The following IGFL2 variants were observed in gnomAD, a reference collection of about 807,000 sequenced individuals.
IGFL2 encodes the protein IGF like family member 2.
IGFL2 carries 7 observed loss-of-function variants against 13.9 expected under a neutral mutation model. That is an observed-to-expected ratio of 0.51 (90% CI 0.29 to 0.95). The LOEUF (loss-of-function observed/expected upper bound fraction) is 0.95. Among genes scored for constraint, IGFL2 ranks in the 40% least tolerant of loss-of-function variants. IGFL2 has a pLI of 0.08. For missense variants in IGFL2, 138 were observed against 147.8 expected, an observed-to-expected ratio of 0.93 and a Z score of 0.34; for synonymous variants, 55 against 55.8, an observed-to-expected ratio of 0.99 and a Z score of 0.07.
At chr19:46,090,818 C>T in the IGFL2 span, among the ~76,000 whole-genome samples, 1 of 152,196 alleles carries the variant, frequency 6.6e-6, no homozygotes, top group Non-Finnish European at 1.5e-5. Context: ...CCGGGCAGCT[C>T]TGGAAGCTTA....
the IGFL2 span, chr19:46,101,056 G>A: frequency 4.0e-3 from 607 of 152,548 alleles, 14 homozygotes; most frequent in Admixed American, 0.031. Flanking sequence ...GATGTCACCC[G>A]AGGAAGCTGG....
chr19:46,166,261 A>T (rs1361481858), downstream of IGFL2, among the ~76,000 whole-genome samples: 1 of 152,162 alleles, frequency 6.6e-6, no homozygotes, highest in Non-Finnish European at 1.5e-5. Flanking sequence ...CGAAAGAGAG[A>T]AATTTTAAAG....
chr19:46,215,001 G>C, the IGFL2 span, among the ~76,000 whole-genome samples: 1 of 151,976 alleles, frequency 6.6e-6, no homozygotes, highest in Non-Finnish European at 1.5e-5. Flanking sequence ...ATCTTGCTGT[G>C]ATCAGCACAT....
chr19:46,123,271 G>T, the IGFL2 span, among the ~76,000 whole-genome samples: 67 of 150,614 alleles, frequency 4.4e-4, 1 homozygote, highest in Non-Finnish European at 7.8e-4. Context: ...TTTTCTCCAG[G>T]TATCTTACTG....
the IGFL2 span, among the ~76,000 whole-genome samples, chr19:46,106,025 A>G: frequency 6.6e-6 from 1 of 152,176 alleles, no homozygotes; most frequent in Non-Finnish European, 1.5e-5. Context: ...GAGTTTATAT[A>G]ATGGTTTAGT....
the IGFL2 span, among the ~76,000 whole-genome samples, chr19:46,095,142 C>T: frequency 6.6e-6 from 1 of 152,176 alleles, no homozygotes; most frequent in Non-Finnish European, 1.5e-5. Context: ...ACATTCCCAC[C>T]AACAGTATAA....
rs762078172 is a variant in IGFL2 at position 46,160,711 on chromosome 19, C to T, written c.171C>T (p.Ile57=). 2.4e-5 allele frequency: 39 copies of T among 1,614,022 alleles called. No individual in the cohort carries two copies. In the East Asian group the frequency reaches 5.1e-4, roughly 21 times the overall value. The change falls in exon 3 of 4, where the codon ATC becomes ATT. Residue 57 remains isoleucine, a synonymous_variant. Transcript: ENST00000377693. ...AGCAGTGCTGTTACAATGACGCCAT[C>T]GTGTCCCTGAGCGAGACCCGCCAAT... ...PLEQCCYNDA[I]VSLSETRQCG...
the IGFL2 span, among the ~76,000 whole-genome samples, chr19:46,129,503 A>G: frequency 6.6e-6 from 1 of 152,110 alleles, no homozygotes; most frequent in Admixed American, 6.6e-5. Flanking sequence ...AATTAGTACT[A>G]TAAATTTCCC....
At chr19:46,179,179 G>A in the IGFL2 span, among the ~76,000 whole-genome samples, 1 of 151,706 alleles carries the variant, frequency 6.6e-6, no homozygotes, top group Non-Finnish European at 1.5e-5. Flanking sequence ...TGCAGAGTCT[G>A]TGAGAGGCAG....
chr19:46,124,155 G>A, the IGFL2 span: 155 of 1,610,030 alleles, frequency 9.6e-5, 5 homozygotes, highest in Middle Eastern at 5.0e-4. Context: ...CAACAGGAGC[G>A]TCTGGGGGCA....
the IGFL2 span, chr19:46,214,238 C>T: frequency 2.0e-5 from 3 of 152,214 alleles, no homozygotes; most frequent in African/African-American, 7.2e-5. Flanking sequence ...TTCAACAAGC[C>T]CAGAGTCGGG....
chr19:46,118,719 C>T, the IGFL2 span, among the ~76,000 whole-genome samples: 1 of 152,176 alleles, frequency 6.6e-6, no homozygotes, highest in African/African-American at 2.4e-5. Context: ...AGACCAGGCA[C>T]TCCCATGCAC....
chr19:46,107,354 G>T, the IGFL2 span, among the ~76,000 whole-genome samples: 1 of 152,198 alleles, frequency 6.6e-6, no homozygotes, highest in South Asian at 2.1e-4. Context: ...CAGTCAGAGA[G>T]CCTTGGGCCA....
chr19:46,123,048 A>G, the IGFL2 span, among the ~76,000 whole-genome samples: 1 of 151,052 alleles, frequency 6.6e-6, no homozygotes, highest in Non-Finnish European at 1.5e-5. Context: ...GAAACATTAG[A>G]TTACTTAAGA....
At chr19:46,168,247 G>A in the IGFL2 span, among the ~76,000 whole-genome samples, 81 of 152,262 alleles carry the variant, frequency 5.3e-4, no homozygotes, top group Non-Finnish European at 1.1e-3. Context: ...AGGATTACAT[G>A]ATTGTTTTGA....
In IGFL2 at chr19:46,153,231, T is replaced by C. The variant is rs551571840; in HGVS notation, c.19+4934T>C. Among the ~76,000 whole-genome samples, 5 of 152,354 alleles carry C rather than the reference T, an allele frequency of 3.3e-5. No homozygotes were observed. The South Asian group carries it at 1.0e-3, about 32-fold the overall frequency. ...GTTTTTTTGAAAAGTTTGTGAATGA[T>C]TGGTATTAAGCCTTCTTTAATTGTT... On this transcript the variant is annotated intron_variant, in intron 1 of 3. Transcript: ENST00000377693.
At chr19:46,115,589 T>A in the IGFL2 span, among the ~76,000 whole-genome samples, 155 of 152,148 alleles carry the variant, frequency 1.0e-3, no homozygotes, top group African/African-American at 3.5e-3. Context: ...TCAGCCTGAT[T>A]CAGATTCACC....
Position 46,148,888 on chromosome 19 carries a change from G to A in IGFL2, c.19+591G>A, listed in dbSNP as rs146655175. ...GGAGACTAGATCTGCAATCTGTTGG[G>A]ACTGTGATGAGGGGATCATCCTGCC... On this transcript the variant is annotated intron_variant, in intron 1 of 3. Coordinates refer to ENST00000377693, the MANE Select transcript of IGFL2 (RefSeq NM_001135113.2). 37 of 1,544,194 alleles carry A rather than the reference G, an allele frequency of 2.4e-5. 1 individual carries two copies. The African/African-American group carries it at 2.5e-4, about 10-fold the overall frequency.
chr19:46,115,718 A>C, the IGFL2 span, among the ~76,000 whole-genome samples: 2 of 152,162 alleles, frequency 1.3e-5, no homozygotes, highest in Admixed American at 6.5e-5. Context: ...AATGTATGGG[A>C]GGAGGCCAGC....
Sources: gnomAD v4.1 joint callset for allele counts (sites outside exome capture counted in the v4.1 genomes callset) on GRCh38, gnomAD v4.1.1 for gene constraint, MANE v1.5 for transcripts, NCBI Gene and HGNC (gene_info 2026-07-23, HGNC 2026-07-21) for gene names.